GATAD1: variants seen among roughly 807,000 people sequenced by gnomAD.
GATAD1 encodes the protein GATA zinc finger domain containing 1.
GATAD1 carries 12 observed loss-of-function variants against 26.5 expected under a neutral mutation model. That is an observed-to-expected ratio of 0.45 (90% CI 0.29 to 0.73). The LOEUF is 0.73. GATAD1 is among the 30% of genes least tolerant of loss of function. The pLI is 0.10. For synonymous variants in GATAD1, 129 were observed against 133.1 expected, an observed-to-expected ratio of 0.97 and a Z score of 0.21; for missense variants, 266 against 342.1, an observed-to-expected ratio of 0.78 and a Z score of 1.75.
the GATAD1 span, chr7:92,494,671 A>AT: frequency 6.3e-7 from 1 of 1,593,092 alleles, no homozygotes; most frequent in Admixed American, 1.7e-5. Context: ...ATCAGGCTTC[A>AT]TAGTTGGCAA....
the GATAD1 span, among the ~76,000 whole-genome samples, chr7:92,467,180 A>T: frequency 1.3e-5 from 2 of 152,248 alleles, no homozygotes; most frequent in East Asian, 3.9e-4. Flanking sequence ...TTAGCCAGGC[A>T]TGGTGACACA....
At chr7:92,472,017 C>A in the GATAD1 span, 1 of 152,200 alleles carries the variant, frequency 6.6e-6, no homozygotes, top group African/African-American at 2.4e-5. Context: ...CCCCACTTTT[C>A]GAAGTCCTTT....
the GATAD1 span, among the ~76,000 whole-genome samples, chr7:92,480,407 G>A: frequency 6.6e-6 from 1 of 152,216 alleles, no homozygotes; most frequent in Non-Finnish European, 1.5e-5. Flanking sequence ...GATGTGTAGG[G>A]AGGGGAGGGG....
the GATAD1 span, among the ~76,000 whole-genome samples, chr7:92,480,940 G>T: frequency 1.3e-5 from 2 of 152,162 alleles, no homozygotes; most frequent in Admixed American, 1.3e-4. Flanking sequence ...TAACAGCATG[G>T]TGGTGCAAGA....
At chr7:92,450,657 A>G (rs1789387253) in intron 2 of GATAD1, 44 bp from the exon 3 acceptor site, 2 of 1,329,752 alleles carry the variant, frequency 1.5e-6, no homozygotes, top group Non-Finnish European at 2.2e-6. Context: ...GCCTGTAGAC[A>G]CATACATACT....
chr7:92,465,377 A>G, the GATAD1 span, among the ~76,000 whole-genome samples: 8 of 151,888 alleles, frequency 5.3e-5, no homozygotes, highest in African/African-American at 1.9e-4. Flanking sequence ...TGGCACTTTG[A>G]GAGGCCGAGG....
Position 92,454,650 on chromosome 7 carries a change from C to G in GATAD1, c.584C>G (p.Pro195Arg). 1.2e-6 allele frequency: 2 copies of G among 1,603,698 alleles called. No individual in the cohort carries two copies. Among genetic ancestry groups the G allele is most frequent in the Non-Finnish European group, 8.5e-7 (1 of 1,176,606 alleles). ...TGGCTCATTCCTACCCTCTCTAGCC[C>G]CAGAGACCAATTTGATCCCGCCTCC... ...LTWLIPTLSS[P>R]RDQFDPASYI... The change falls in exon 4 of 5, where the codon CCC becomes CGC. Residue 195 changes from proline (P) to arginine (R), a missense_variant. Coordinates refer to ENST00000287957, the MANE Select transcript of GATAD1 (RefSeq NM_021167.5).
chr7:92,459,327 T>G lies in GATAD1; in HGVS notation c.*2765T>G, dbSNP rs978657897. On this transcript the variant is annotated 3_prime_UTR_variant, in exon 5 of 5. Coordinates refer to ENST00000287957, the MANE Select transcript of GATAD1 (RefSeq NM_021167.5). ...ATAAAATGAACACAATGTAAAACAT[T>G]TATTAAAATGTAGACTTTTAAAAAT... The G allele has an allele frequency of 6.6e-6, 1 of 152,188 alleles. No individual in the cohort carries two copies. The highest frequency in any genetic ancestry group is 1.5e-5 in the Non-Finnish European group (1 of 68,024). The allele number at this position is 152,188 out of a possible 1,614,324, so 9.4% of individuals were successfully genotyped here. A position where few individuals can be genotyped will look rare whatever the true frequency, so the allele number is the denominator to read the frequency against.
chr7:92,469,730 C>T, the GATAD1 span: 19 of 763,832 alleles, frequency 2.5e-5, no homozygotes, highest in Admixed American at 1.2e-4. Context: ...CCTACTAAAA[C>T]GGAAGTGGTG....
chr7:92,478,909 G>A, the GATAD1 span, among the ~76,000 whole-genome samples: 1 of 152,116 alleles, frequency 6.6e-6, no homozygotes, highest in African/African-American at 2.4e-5. Flanking sequence ...GAACATCATG[G>A]CAACCCACAT....
At chr7:92,469,859 G>A in the GATAD1 span, 2 of 776,000 alleles carry the variant, frequency 2.6e-6, no homozygotes, top group African/African-American at 1.7e-5. Flanking sequence ...ACCTCATGGA[G>A]CCCAGTGAGG....
the GATAD1 span, among the ~76,000 whole-genome samples, chr7:92,483,722 T>TA: frequency 6.6e-6 from 1 of 152,144 alleles, no homozygotes; most frequent in East Asian, 1.9e-4. Context: ...GCCACCTCTT[T>TA]AAGAGGAAAT....
chr7:92,476,562 T>C, the GATAD1 span, among the ~76,000 whole-genome samples: 1 of 152,132 alleles, frequency 6.6e-6, no homozygotes, highest in Non-Finnish European at 1.5e-5. Context: ...GCACACTGTT[T>C]TTTACTATTT....
At chr7:92,469,894 C>T in the GATAD1 span, 10 of 778,574 alleles carry the variant, frequency 1.3e-5, no homozygotes, top group Admixed American at 6.8e-5. Flanking sequence ...GCTTACCAGG[C>T]GAGTATGGGT....
chr7:92,451,444 G>T (rs1033842315), intron 3 of GATAD1, among the ~76,000 whole-genome samples: 4 of 152,342 alleles, frequency 2.6e-5, no homozygotes, highest in African/African-American at 9.6e-5. Flanking sequence ...ACCATTGAAG[G>T]CTATTTGGTG....
intron 2 of GATAD1, chr7:92,450,412 T>C (rs1260190473): frequency 8.4e-6 from 3 of 359,280 alleles, no homozygotes; most frequent in Non-Finnish European, 1.5e-5. Context: ...ATAACTGGAA[T>C]GTTTATGTGT....
At chr7:92,466,704 C>T in the GATAD1 span, among the ~76,000 whole-genome samples, 1 of 152,116 alleles carries the variant, frequency 6.6e-6, no homozygotes, top group Non-Finnish European at 1.5e-5. Flanking sequence ...TGTATGTTTT[C>T]GAGATAAATA....
Position 92,456,733 on chromosome 7 carries a change from G to A in GATAD1, c.*171G>A, listed in dbSNP as rs1020892708. ...TAATATTCTTAGTACCACAAGATAT[G>A]TCATAGGTATCTTTAAATGAAATTC... On this transcript the variant is annotated 3_prime_UTR_variant, in exon 5 of 5. Coordinates refer to ENST00000287957, the MANE Select transcript of GATAD1 (RefSeq NM_021167.5). The A allele has an allele frequency of 1.2e-4, 60 of 488,090 alleles. No individual in the cohort carries two copies. Among genetic ancestry groups the A allele is most frequent in the Middle Eastern group, 1.0e-3 (2 of 1,998 alleles). 30.2% of individuals were successfully genotyped at this position (488,090 alleles called of 1,614,324 possible). A position where few individuals can be genotyped will look rare whatever the true frequency, so the allele number is the denominator to read the frequency against.
chr7:92,494,533 T>C, the GATAD1 span: 1 of 1,613,938 alleles, frequency 6.2e-7, no homozygotes, highest in South Asian at 1.1e-5. Context: ...ACTGGTTAAC[T>C]ACTCGGTCTG....
Sources: gnomAD v4.1 joint callset for allele counts (sites outside exome capture counted in the v4.1 genomes callset) on GRCh38, gnomAD v4.1.1 for gene constraint, MANE v1.5 for transcripts, NCBI Gene and HGNC (gene_info 2026-07-23, HGNC 2026-07-21) for gene names.